The following BRSK2 variants were observed in gnomAD, a reference collection of about 807,000 sequenced individuals.
The protein encoded by BRSK2 is BR serine/threonine kinase 2, also known as serine/threonine-protein kinase BRSK2.
Under a neutral mutation model 83.3 loss-of-function variants are expected in BRSK2, and 19 were observed. The observed-to-expected ratio is 0.23, with a 90% CI of 0.16 to 0.33. The LOEUF is 0.33. BRSK2 is among the 10% of genes least tolerant of loss of function. The pLI is 1.00. For missense variants in BRSK2, 798 were observed against 1,042.3 expected (o/e 0.77, Z 3.23); for synonymous variants, 519 against 435.4 (o/e 1.19, Z -2.39).
chr11:1,450,234 T>A (rs1013902237), intron 13 of BRSK2, among the ~76,000 whole-genome samples: 2 of 150,918 alleles, frequency 1.3e-5, no homozygotes, highest in Non-Finnish European at 3.0e-5. Flanking sequence ...ATTAGGAAGC[T>A]TGTCCTGCCC....
intron 3 of BRSK2, among the ~76,000 whole-genome samples, chr11:1,439,529 G>C (rs1243471672): frequency 6.6e-6 from 1 of 151,984 alleles, no homozygotes; most frequent in African/African-American, 2.4e-5. Context: ...CCTTCTCGGA[G>C]GGGAGGGCAG....
At chr11:1,434,357 T>A (rs978224014) in intron 1 of BRSK2, among the ~76,000 whole-genome samples, 1 of 145,788 alleles carries the variant, frequency 6.9e-6, no homozygotes, top group African/African-American at 2.6e-5. Context: ...TCTGCGTGTC[T>A]GGGGGCACCT....
chr11:1,408,702 G>GGT (rs1247179733), intron 1 of BRSK2, among the ~76,000 whole-genome samples: 3 of 152,118 alleles, frequency 2.0e-5, no homozygotes, highest in South Asian at 4.2e-4. Context: ...AGTCAGGTGG[G>GGT]GTGTGTGTGT....
chr11:1,450,358 G>A (rs1845668464), intron 13 of BRSK2, among the ~76,000 whole-genome samples: 1 of 152,116 alleles, frequency 6.6e-6, no homozygotes, highest in East Asian at 1.9e-4. Flanking sequence ...AGGCCGCCCT[G>A]CGGCCCGACC....
intron 18 of BRSK2, chr11:1,456,911 G>C (rs1846640485): frequency 1.3e-6 from 2 of 1,583,732 alleles, no homozygotes; most frequent in Non-Finnish European, 8.5e-7. Context: ...AGGGACATAG[G>C]GCGCAGCCGC....
rs1475439639 is a variant in BRSK2, at chr11:1,456,390, C to T, written c.1711C>T (p.Arg571Trp). ...SHSVISQTSF[R>W]AEYKATGGPA... Reference sequence around the variant, plus strand: ...CAGCGTCATCTCCCAAACGAGCTTCCGGGCCGAGTACAAGGCCACGGGGGG... The same window carrying T: ...CAGCGTCATCTCCCAAACGAGCTTCTGGGCCGAGTACAAGGCCACGGGGGG... Residue 571 changes from arginine (R) to tryptophan (W), a missense_variant, in exon 17 of 20, where the codon CGG (arginine) becomes TGG (tryptophan). By Grantham distance (101) the Arg-to-Trp change is moderately radical. Coordinates refer to ENST00000528841, the MANE Select transcript of BRSK2 (RefSeq NM_001256627.2). The T allele has an allele frequency of 3.8e-6, 6 of 1,597,522 alleles. No individual in the cohort carries two copies. The highest frequency in any genetic ancestry group is 1.7e-5 in the Admixed American group (1 of 57,458).
In BRSK2 at chr11:1,390,648, G is replaced by A. The variant is rs528093897; in HGVS notation, c.91+273G>A. ...GGCGGACAGGGGCGCACGGGACGGC[G>A]CCCCTCGGGCCCCGCTGCAGGTGCG... is the stretch of plus-strand genomic sequence containing the variant. On this transcript the variant is annotated intron_variant, in intron 1 of 19. Transcript: ENST00000528841. The surrounding 1 kb of genome is among the most constrained non-coding windows in gnomAD (Gnocchi z 6.8). Among the ~76,000 whole-genome samples the A allele has an allele frequency of 0.021, 3,176 of 147,902 alleles. 47 individuals carry two copies. Among genetic ancestry groups the A allele is most frequent in the Non-Finnish European group, 0.032 (2,112 of 66,390 alleles).
At chr11:1,440,373 G>T (rs1243956733) in intron 3 of BRSK2, among the ~76,000 whole-genome samples, 3 of 152,160 alleles carry the variant, frequency 2.0e-5, no homozygotes, top group African/African-American at 4.8e-5. Flanking sequence ...TCCCTGCTCG[G>T]TGCCTGTGCC....
intron 6 of BRSK2, 90 bp from the exon 7 acceptor site, chr11:1,443,245 G>T: frequency 6.6e-7 from 1 of 1,521,858 alleles, no homozygotes. Flanking sequence ...TAGGCTGCCT[G>T]TCCCCGGGCC....
Position 1,461,389 on chromosome 11 carries a change from C to T in BRSK2, c.*666C>T. 4 of 279,904 alleles carry T rather than the reference C, an allele frequency of 1.4e-5. No homozygotes were observed. The highest frequency in any genetic ancestry group is 7.7e-5 in the South Asian group (2 of 25,874). The allele number at this position is 279,904 out of a possible 1,614,324, so 17.3% of individuals were successfully genotyped here. A position where few individuals can be genotyped will look rare whatever the true frequency, so the allele number is the denominator to read the frequency against. ...GTGTAGTCTTGGCCTCCTCAGGCTG[C>T]CTCCCGTCCTCTCGTCTCACCCGCG... On this transcript the variant is annotated 3_prime_UTR_variant, in exon 20 of 20. Coordinates refer to ENST00000528841, the MANE Select transcript of BRSK2 (RefSeq NM_001256627.2).
chr11:1,461,256 C>A lies in BRSK2; in HGVS notation c.*533C>A. 1 of 563,708 alleles carries A rather than the reference C, an allele frequency of 1.8e-6. No homozygotes were observed. The highest frequency in any genetic ancestry group is 3.1e-6 in the Non-Finnish European group (1 of 324,714). 34.9% of individuals were successfully genotyped at this position (563,708 alleles called of 1,614,324 possible). On this transcript the variant is annotated 3_prime_UTR_variant, in exon 20 of 20. Transcript: ENST00000528841. Reference sequence around the variant, plus strand: ...CTGGTGGCCTTCTGGGGCCAGGACCCCTGGTGGGCAACGTAGCCACAGGAA... The same window carrying A: ...CTGGTGGCCTTCTGGGGCCAGGACCACTGGTGGGCAACGTAGCCACAGGAA...
intron 4 of BRSK2, among the ~76,000 whole-genome samples, chr11:1,442,272 A>G (rs1026785198): frequency 6.6e-6 from 1 of 152,072 alleles, no homozygotes; most frequent in Non-Finnish European, 1.5e-5. Flanking sequence ...AGGGCATGGC[A>G]GGAGAAACAG....
At chr11:1,445,727 C>T in intron 11 of BRSK2, 30 bp from the exon 12 acceptor site, 3 of 1,610,856 alleles carry the variant, frequency 1.9e-6, no homozygotes, top group East Asian at 2.2e-5. Flanking sequence ...GGTCCGGGGG[C>T]TGTCTGGCCT....
intron 1 of BRSK2, among the ~76,000 whole-genome samples, chr11:1,401,553 G>T (rs1219065465): frequency 2.0e-5 from 3 of 152,184 alleles, no homozygotes; most frequent in Non-Finnish European, 4.4e-5. Context: ...CCCACCTCCT[G>T]CAGGCTGCAC....
chr11:1,398,151 C>T lies in BRSK2; in HGVS notation c.91+7776C>T, dbSNP rs1846238748. On this transcript the variant is annotated intron_variant, in intron 1 of 19. Coordinates refer to ENST00000528841, the MANE Select transcript of BRSK2 (RefSeq NM_001256627.2). ...GCGGGTGTCTTGGCCTGGGAGCCCC[C>T]GGGGAACCCTTTGTATGGGAGAAGG... Among the ~76,000 whole-genome samples, 4 of 152,136 alleles carry T rather than the reference C, an allele frequency of 2.6e-5. No homozygotes were observed. The South Asian group carries it at 8.3e-4, about 32-fold the overall frequency.
At chr11:1,417,333 G>A (rs1848194606) in intron 1 of BRSK2, among the ~76,000 whole-genome samples, 1 of 152,188 alleles carries the variant, frequency 6.6e-6, no homozygotes, top group South Asian at 2.1e-4. Flanking sequence ...CTGCTGGCTG[G>A]TCATTGAGGT....
At position 1,461,121 on chromosome 11, in the gene BRSK2, C is replaced by T. The variant is rs976707249; in HGVS notation, c.*398C>T. On this transcript the variant is annotated 3_prime_UTR_variant, in exon 20 of 20. Transcript: ENST00000528841. ...CCCCGTCCACCCCGCGGCAGCTCCTCGCCTCAGCTCCGCACGGCCCGTGGG... is the reference window on the plus strand; with the variant it reads ...CCCCGTCCACCCCGCGGCAGCTCCTTGCCTCAGCTCCGCACGGCCCGTGGG... 63 of 1,367,266 alleles carry T rather than the reference C, an allele frequency of 4.6e-5. No homozygotes were observed. The East Asian group carries it at 6.7e-4, about 15-fold the overall frequency. 84.7% of individuals were successfully genotyped at this position (1,367,266 alleles called of 1,614,324 possible).
intron 18 of BRSK2, 40 bp downstream of exon 18, chr11:1,456,727 G>A: frequency 6.4e-7 from 1 of 1,550,940 alleles, no homozygotes; most frequent in Admixed American, 1.9e-5. Context: ...CGGCCTGCGA[G>A]TGGGGCGTGG....
rs112377266 is a variant in BRSK2, at chr11:1,454,158, G to GGGGGGGCTCACCTGT, written c.1545-309_1545-295dup. On this transcript the variant is annotated intron_variant, in intron 15 of 19. Coordinates refer to ENST00000528841, the MANE Select transcript of BRSK2 (RefSeq NM_001256627.2). The surrounding 1 kb of genome is among the most constrained non-coding windows in gnomAD (Gnocchi z 5.2). Reference sequence around the variant, plus strand: ...CCACCTCTCACAGCGGCCTTGGTGAGGGGGGGCTCACCTGTGGGGGGCTCA... The same window carrying GGGGGGGCTCACCTGT: ...CCACCTCTCACAGCGGCCTTGGTGAGGGGGGGCTCACCTGTGGGGGGCTCACCTGTGGGGGGCTCA... 0.26 allele frequency: 46,771 copies of GGGGGGGCTCACCTGT among 177,712 alleles called. 6,970 individuals are homozygous for GGGGGGGCTCACCTGT. The highest frequency in any genetic ancestry group is 0.48 in the East Asian group (2,765 of 5,770). 11.0% of individuals were successfully genotyped at this position (177,712 alleles called of 1,614,324 possible). A position where few individuals can be genotyped will look rare whatever the true frequency, so the allele number is the denominator to read the frequency against.
Sources: allele counts gnomAD v4.1 joint callset (sites outside exome capture counted in the v4.1 genomes callset), GRCh38; gene constraint gnomAD v4.1.1; non-coding constraint Gnocchi (gnomAD v3.1); transcripts MANE v1.5; gene names NCBI Gene and HGNC (gene_info 2026-07-23, HGNC 2026-07-21).